The following CEP85L variants were observed in gnomAD, a reference collection of about 807,000 sequenced individuals.
CEP85L encodes the protein centrosomal protein of 85 kDa-like.
Under a neutral mutation model 100.3 loss-of-function variants are expected in CEP85L, and 60 were observed. That is an observed-to-expected ratio of 0.60 (90% CI 0.49 to 0.74). The LOEUF is 0.74. Ranked by LOEUF, CEP85L falls within the 30% of genes least tolerant of loss-of-function variation. The probability of loss-of-function intolerance (pLI) is 0.00; values close to 1 mark genes in which losing one functional copy is unlikely to be tolerated. For synonymous variants in CEP85L, 319 were observed against 322.7 expected, an observed-to-expected ratio of 0.99 and a Z score of 0.12; for missense variants, 973 against 936.2, an observed-to-expected ratio of 1.04 and a Z score of -0.51.
intron 4 of CEP85L, among the ~76,000 whole-genome samples, chr6:118,518,482 T>C (rs1203550337): frequency 6.6e-6 from 1 of 152,254 alleles, no homozygotes; most frequent in Non-Finnish European, 1.5e-5. Context: ...TCCAGGAATT[T>C]ATCCATTTCT....
At chr6:118,677,364 G>A (rs1207562662) in intron 1 of CEP85L, among the ~76,000 whole-genome samples, 2 of 152,178 alleles carry the variant, frequency 1.3e-5, no homozygotes, top group African/African-American at 4.8e-5. Context: ...TGTACAAGCA[G>A]TCCTGACACT....
chr6:118,495,472 C>T (rs1427928739), intron 5 of CEP85L, among the ~76,000 whole-genome samples: 1 of 152,130 alleles, frequency 6.6e-6, no homozygotes, highest in Non-Finnish European at 1.5e-5. Flanking sequence ...AAGGGCTTTT[C>T]CCTCTTTGCT....
intron 2 of CEP85L, among the ~76,000 whole-genome samples, chr6:118,578,777 C>T (rs754164925): frequency 1.3e-5 from 2 of 152,182 alleles, no homozygotes; most frequent in African/African-American, 2.4e-5. Flanking sequence ...TGTGCTCTCG[C>T]GAGCGTGACT....
upstream of CEP85L, among the ~76,000 whole-genome samples, chr6:118,655,332 G>A (rs1367348766): frequency 1.3e-5 from 2 of 152,226 alleles, no homozygotes; most frequent in Non-Finnish European, 2.9e-5. Flanking sequence ...CTTGGGATAG[G>A]AAGTGGGTGT....
chr6:118,700,050 C>T (rs1365628031), intron 1 of CEP85L, among the ~76,000 whole-genome samples: 1 of 152,212 alleles, frequency 6.6e-6, no homozygotes, highest in African/African-American at 2.4e-5. Context: ...TTAGGTGCCA[C>T]TACTTGTCCT....
intron 3 of CEP85L, among the ~76,000 whole-genome samples, chr6:118,550,311 T>G (rs1393782038): frequency 2.0e-5 from 3 of 151,754 alleles, no homozygotes; most frequent in Admixed American, 6.6e-5. Flanking sequence ...TACAATAGTT[T>G]CAGAAAATTT....
chr6:118,470,818 G>T (rs1037774419), intron 10 of CEP85L, among the ~76,000 whole-genome samples, 174 bp from the exon 11 acceptor site: 2 of 152,042 alleles, frequency 1.3e-5, no homozygotes, highest in African/African-American at 4.8e-5. Flanking sequence ...GAGAGTGGCT[G>T]AATCCAAATA....
At chr6:118,669,432 A>G (rs1024189913) in intron 1 of CEP85L, among the ~76,000 whole-genome samples, 8 of 151,428 alleles carry the variant, frequency 5.3e-5, no homozygotes, top group African/African-American at 1.2e-4. Flanking sequence ...TTGTTGTTCC[A>G]ACTACCCACC....
chr6:118,622,424 G>T (rs745894597), intron 2 of CEP85L, among the ~76,000 whole-genome samples: 5 of 152,168 alleles, frequency 3.3e-5, no homozygotes, highest in African/African-American at 4.8e-5. Context: ...TGCCGCCTGG[G>T]AGGATCTCTT....
chr6:118,615,605 T>C (rs1481579859), intron 2 of CEP85L, among the ~76,000 whole-genome samples: 1 of 152,114 alleles, frequency 6.6e-6, no homozygotes, highest in African/African-American at 2.4e-5. Context: ...AGTAAGAAAG[T>C]CTTTCTTTAC....
At chr6:118,610,256 T>G (rs766391309) in intron 2 of CEP85L, among the ~76,000 whole-genome samples, 21 of 152,112 alleles carry the variant, frequency 1.4e-4, no homozygotes, top group Non-Finnish European at 2.4e-4. Context: ...TAATACTAAT[T>G]TTATCTTCTG....
At chr6:118,536,768 A>C (rs1777619636) in intron 3 of CEP85L, among the ~76,000 whole-genome samples, 1 of 152,192 alleles carries the variant, frequency 6.6e-6, no homozygotes, top group Non-Finnish European at 1.5e-5. Context: ...GCTGGTTCTT[A>C]GGCGCTGTCA....
At chr6:118,515,065 C>A (rs186250808) in intron 4 of CEP85L, among the ~76,000 whole-genome samples, 1 of 151,970 alleles carries the variant, frequency 6.6e-6, no homozygotes, top group East Asian at 1.9e-4. Context: ...CCCGCCTCAA[C>A]TTCTTGGTGT....
rs966225605 is a variant in CEP85L at position 118,600,347 on chromosome 6, G to C, written c.232+32106C>G. Among the ~76,000 whole-genome samples the C allele has an allele frequency of 1.8e-3, 243 of 137,216 alleles. 12 individuals carry two copies. The highest frequency in any genetic ancestry group is 6.3e-3 in the African/African-American group (231 of 36,842). 90.0% of individuals were successfully genotyped at this position (137,216 alleles called of 152,430 possible). Reference sequence around the variant, plus strand: ...TGTGTGTGTGTGTGTGTGTGTGTGTGTGTGTGTGTGTGTGTGTGTGTGTAA... The same window carrying C: ...TGTGTGTGTGTGTGTGTGTGTGTGTCTGTGTGTGTGTGTGTGTGTGTGTAA... On this transcript the variant is annotated intron_variant, in intron 2 of 12. Coordinates refer to ENST00000368491, the MANE Select transcript of CEP85L (RefSeq NM_001042475.3).
intron 2 of CEP85L, among the ~76,000 whole-genome samples, chr6:118,579,114 T>C (rs1310782738): frequency 2.0e-5 from 3 of 152,208 alleles, no homozygotes; most frequent in Non-Finnish European, 2.9e-5. Flanking sequence ...AAGGCTGGTC[T>C]TGAACTCTTA....
At chr6:118,650,379 T>C (rs1463243760) in intron 1 of CEP85L, among the ~76,000 whole-genome samples, 1 of 152,190 alleles carries the variant, frequency 6.6e-6, no homozygotes, top group Admixed American at 6.5e-5. Context: ...GGAGGATTTA[T>C]CCTAATTTTG....
intron 1 of CEP85L, among the ~76,000 whole-genome samples, chr6:118,702,803 T>C (rs77354425): frequency 0.029 from 4,469 of 152,166 alleles, 231 homozygotes; most frequent in African/African-American, 0.1. Flanking sequence ...TAGACTACCG[T>C]GGCTAACATG....
At chr6:118,612,259 TA>T (rs370129041) in intron 2 of CEP85L, among the ~76,000 whole-genome samples, 8,706 of 140,456 alleles carry the variant, frequency 0.062, 295 homozygotes, top group South Asian at 0.12. Flanking sequence ...ATAAGGCAAA[TA>T]AAAAAAAAAA....
At chr6:118,513,211 C>G (rs1006256330) in intron 4 of CEP85L, among the ~76,000 whole-genome samples, 1 of 151,814 alleles carries the variant, frequency 6.6e-6, no homozygotes, top group Non-Finnish European at 1.5e-5. Flanking sequence ...TTATAAGAGG[C>G]CAAATACATG....
Sources: gnomAD v4.1 joint callset for allele counts (sites outside exome capture counted in the v4.1 genomes callset) on GRCh38, gnomAD v4.1.1 for gene constraint, MANE v1.5 for transcripts, NCBI Gene and HGNC (gene_info 2026-07-23, HGNC 2026-07-21) for gene names.